Variants in ARHGEF10 observed in about 807,000 individuals in gnomAD.
ARHGEF10 encodes Rho guanine nucleotide exchange factor 10, also known as Rho guanine nucleotide exchange factor (GEF) 10.
ARHGEF10 carries 140 observed loss-of-function variants against 147.4 expected under a neutral mutation model. The ratio of observed to expected loss-of-function variants is 0.95; its 90% CI spans 0.83 to 1.09. The LOEUF (loss-of-function observed/expected upper bound fraction) is 1.09, where lower values mean the gene tolerates loss of function less well. Among genes scored for constraint, ARHGEF10 ranks in the 50% least tolerant of loss-of-function variants. The probability of loss-of-function intolerance (pLI) is 0.00; values close to 1 mark genes in which losing one functional copy is unlikely to be tolerated. For missense variants in ARHGEF10, 2,222 were observed against 1,752.7 expected (o/e 1.27, Z -4.78); for synonymous variants, 902 against 695.8 (o/e 1.30, Z -4.67).
At chr8:1,943,889 T>C (rs1179151886) in intron 26 of ARHGEF10, 2 of 151,994 alleles carry the variant, frequency 1.3e-5, no homozygotes, top group African/African-American at 4.8e-5. Flanking sequence ...CGGCTGACTC[T>C]AGAATGGGCA....
intron 28 of ARHGEF10, among the ~76,000 whole-genome samples, chr8:1,954,946 GATA>G (rs1302669981): frequency 2.8e-4 from 42 of 149,788 alleles, no homozygotes; most frequent in African/African-American, 1.0e-3. Context: ...CCTCTGGATG[GATA>G]GCCAGGTGCT....
In ARHGEF10 at chr8:1,956,927, C is replaced by A; in HGVS notation, c.3699C>A (p.Ser1233Arg). Reference protein sequence around the residue: ...LPSGGAGSSLSQGDPDAAIWL... With the variant: ...LPSGGAGSSLRQGDPDAAIWL... Reference sequence around the variant, plus strand: ...GTGGAGGAGCTGGTTCATCTCTGAGCCAGGGTGACCCTGACGCAGCCATCT... The same window carrying A: ...GTGGAGGAGCTGGTTCATCTCTGAGACAGGGTGACCCTGACGCAGCCATCT... The change falls in exon 29 of 29, where the codon AGC becomes AGA. Residue 1233 changes from serine (S) to arginine (R), a missense_variant. By Grantham distance (110) the Ser-to-Arg change is moderately radical (BLOSUM62 -1). Coordinates refer to ENST00000349830, the MANE Select transcript of ARHGEF10 (RefSeq NM_014629.4). The A allele has an allele frequency of 6.2e-7, 1 of 1,614,168 alleles. No individual in the cohort carries two copies. Among genetic ancestry groups the A allele is most frequent in the Admixed American group, 1.7e-5 (1 of 60,026 alleles).
At chr8:1,837,787 G>C (rs760138558) in intron 1 of ARHGEF10, among the ~76,000 whole-genome samples, 1 of 152,132 alleles carries the variant, frequency 6.6e-6, no homozygotes, top group South Asian at 2.1e-4. Context: ...CTGGCTCCTC[G>C]GCTGCGTCGT....
At chr8:1,907,884 C>T (rs1174621318) in intron 17 of ARHGEF10, among the ~76,000 whole-genome samples, 2 of 152,154 alleles carry the variant, frequency 1.3e-5, no homozygotes, top group Non-Finnish European at 1.5e-5. Flanking sequence ...ACCCTTTGGT[C>T]GGCCCTGTGA....
At chr8:1,890,696 G>T (rs1280750988) in intron 11 of ARHGEF10, among the ~76,000 whole-genome samples, 1 of 151,940 alleles carries the variant, frequency 6.6e-6, no homozygotes, top group Non-Finnish European at 1.5e-5. Flanking sequence ...ACACTGAGTG[G>T]GTCACGGGGT....
intron 18 of ARHGEF10, among the ~76,000 whole-genome samples, chr8:1,914,111 G>A (rs146872580): frequency 2.0e-5 from 3 of 152,334 alleles, no homozygotes; most frequent in African/African-American, 7.2e-5. Context: ...GGAGGAAGGC[G>A]GGCGTGACTT....
chr8:1,857,910 C>G lies in ARHGEF10; in HGVS notation c.38-50C>G, dbSNP rs1249333520. 5 of 1,357,024 alleles carry G rather than the reference C, an allele frequency of 3.7e-6. No homozygotes were observed. The East Asian group carries it at 7.0e-5, about 19-fold the overall frequency. The allele number at this position is 1,357,024 out of a possible 1,614,324, so 84.1% of individuals were successfully genotyped here. A position where few individuals can be genotyped will look rare whatever the true frequency, so the allele number is the denominator to read the frequency against. ...TCTATCTATCTATCTATCTATCTAT[C>G]TATCTATCTATCTATCTCTCCTTGA... On this transcript the variant is annotated intron_variant, in intron 2 of 28. Coordinates refer to ENST00000349830, the MANE Select transcript of ARHGEF10 (RefSeq NM_014629.4).
At chr8:1,839,492 T>A (rs11992836) in intron 1 of ARHGEF10, among the ~76,000 whole-genome samples, 1 of 124,030 alleles carries the variant, frequency 8.1e-6, no homozygotes, top group African/African-American at 3.3e-5. Flanking sequence ...GGAAACTGTC[T>A]GGTGTGGGGA....
At chr8:1,925,955 C>T (rs1218592395) in intron 22 of ARHGEF10, among the ~76,000 whole-genome samples, 1 of 152,204 alleles carries the variant, frequency 6.6e-6, no homozygotes, top group African/African-American at 2.4e-5. Context: ...GCCAGGGTTT[C>T]CCAGCAGCTC....
In ARHGEF10 at chr8:1,921,439, G is replaced by A. The variant is rs187772050; in HGVS notation, c.2144-1525G>A. Among the ~76,000 whole-genome samples, 56 of 152,268 alleles carry A rather than the reference G, an allele frequency of 3.7e-4. 1 individual carries two copies. The highest frequency in any genetic ancestry group is 3.5e-3 in the Admixed American group (53 of 15,290). On this transcript the variant is annotated intron_variant, in intron 18 of 28. Transcript: ENST00000349830. The stretch of plus-strand genomic sequence containing the variant: ...TCCTCAAAATTATTAAGAATTTCAG[G>A]ATGTCCAGGCCAGGCACGGTGGCTC...
chr8:1,898,613 A>G (rs1810211122), intron 15 of ARHGEF10, 88 bp downstream of exon 15: 3 of 1,346,790 alleles, frequency 2.2e-6, no homozygotes, highest in Admixed American at 1.9e-5. Context: ...CCACTTTGGA[A>G]TGGCTGCCCC....
chr8:1,828,891 A>T (rs1388198524), intron 1 of ARHGEF10, among the ~76,000 whole-genome samples: 3 of 151,094 alleles, frequency 2.0e-5, no homozygotes, highest in African/African-American at 7.3e-5. Context: ...TCGTTTGCTT[A>T]TTTTTTTTTT....
Position 1,869,060 on chromosome 8 carries a change from T to C in ARHGEF10, c.623-134T>C, listed in dbSNP as rs2272710. 159,449 of 726,486 alleles carry C rather than the reference T, an allele frequency of 0.22. 13,942 individuals carry two copies. Among genetic ancestry groups the C allele is most frequent in the Middle Eastern group, 0.26 (740 of 2,812 alleles). 45.0% of individuals were successfully genotyped at this position (726,486 alleles called of 1,614,324 possible). On this transcript the variant is annotated intron_variant, in intron 6 of 28. Coordinates refer to ENST00000349830, the MANE Select transcript of ARHGEF10 (RefSeq NM_014629.4). ...GGACAAAGAACGAAAAAGTAAAAAA[T>C]AAAAAAAAAACTACCCTTATAAACC... is the stretch of plus-strand genomic sequence containing the variant.
intron 25 of ARHGEF10, among the ~76,000 whole-genome samples, chr8:1,931,213 C>G (rs1334103121): frequency 1.3e-5 from 2 of 152,230 alleles, no homozygotes; most frequent in Non-Finnish European, 2.9e-5. Flanking sequence ...CCACTCTGCA[C>G]TCAACTCTTT....
intron 18 of ARHGEF10, among the ~76,000 whole-genome samples, chr8:1,912,906 G>A (rs1396419767): frequency 6.6e-6 from 1 of 152,212 alleles, no homozygotes; most frequent in Non-Finnish European, 1.5e-5. Flanking sequence ...GCCGTCAGTT[G>A]CTCTGGCCTG....
chr8:1,900,796 C>T (rs1274849121), intron 15 of ARHGEF10, among the ~76,000 whole-genome samples: 1 of 152,190 alleles, frequency 6.6e-6, no homozygotes, highest in Non-Finnish European at 1.5e-5. Context: ...CAGATCGTCA[C>T]CAGCAGAGTT....
chr8:1,932,413 G>C (rs111701503), intron 25 of ARHGEF10, among the ~76,000 whole-genome samples: 1 of 152,106 alleles, frequency 6.6e-6, no homozygotes, highest in Non-Finnish European at 1.5e-5. Flanking sequence ...TGCATGTGAC[G>C]GCAGGTGCAC....
chr8:1,832,989 C>CGG (rs1563149234), intron 1 of ARHGEF10, among the ~76,000 whole-genome samples: 4 of 47,756 alleles, frequency 8.4e-5, no homozygotes, highest in African/African-American at 8.3e-5. Flanking sequence ...GAGACAGAGA[C>CGG]AGAGGCAGAG....
At position 1,956,959 on chromosome 8, in the gene ARHGEF10, G is replaced by C. The variant is rs897540616; in HGVS notation, c.3731G>C (p.Gly1244Ala). ...GACCCTGACGCAGCCATCTGGTTGG[G>C]AGATTCGCTGGGATCGATGACTCAG... ...QGDPDAAIWL[G>A]DSLGSMTQKS... Residue 1244 changes from glycine to alanine, a missense_variant, in exon 29 of 29, where the codon GGA (glycine) becomes GCA (alanine). Transcript: ENST00000349830. 5 of 1,614,030 alleles carry C rather than the reference G, an allele frequency of 3.1e-6. No individual in the cohort carries two copies. The African/African-American group carries it at 5.3e-5, about 17-fold the overall frequency.
Sources: allele counts gnomAD v4.1 joint callset (sites outside exome capture counted in the v4.1 genomes callset), GRCh38; gene constraint gnomAD v4.1.1; transcripts MANE v1.5; gene names NCBI Gene and HGNC (gene_info 2026-07-23, HGNC 2026-07-21).